TENM3: variants seen among roughly 807,000 people sequenced by gnomAD.
TENM3 encodes teneurin-3.
A neutral mutation model predicts 255.1 loss-of-function variants in TENM3; 63 were observed. The ratio of observed to expected loss-of-function variants is 0.25; its 90% confidence interval spans 0.20 to 0.30. TENM3 has a LOEUF of 0.30. Among genes scored for constraint, TENM3 ranks in the 10% least tolerant of loss-of-function variants. The pLI, the probability that TENM3 is intolerant of heterozygous loss-of-function variation, is 1.00. For synonymous variants in TENM3, 1,306 were observed against 1,322.3 expected, an observed-to-expected ratio of 0.99 and a Z score of 0.27; for missense variants, 2,929 against 3,461.1, an observed-to-expected ratio of 0.85 and a Z score of 3.86.
At chr4:181,950,083 C>G in the TENM3 span, among the ~76,000 whole-genome samples, 2 of 152,126 alleles carry the variant, frequency 1.3e-5, no homozygotes, top group East Asian at 3.9e-4. Context: ...ATGCCCTGCC[C>G]CACCTTAACT....
chr4:182,499,727 C>A (rs1284691685), intron 3 of TENM3, among the ~76,000 whole-genome samples: 1 of 152,144 alleles, frequency 6.6e-6, no homozygotes, highest in Admixed American at 6.5e-5. Flanking sequence ...AAATAGACAA[C>A]TGATGACAGA....
At chr4:182,695,455 G>A (rs1171853554) in intron 12 of TENM3, among the ~76,000 whole-genome samples, 1 of 152,176 alleles carries the variant, frequency 6.6e-6, no homozygotes, top group Non-Finnish European at 1.5e-5. Flanking sequence ...CATTGGGGTG[G>A]CTGTGGGCAT....
chr4:181,521,818 C>T, the TENM3 span, among the ~76,000 whole-genome samples: 6 of 152,018 alleles, frequency 3.9e-5, no homozygotes, highest in Admixed American at 1.3e-4. Flanking sequence ...CAATGTGGGC[C>T]GGGTGTGGTG....
intron 3 of TENM3, among the ~76,000 whole-genome samples, chr4:182,518,606 A>G (rs1386226975): frequency 6.6e-6 from 1 of 152,178 alleles, no homozygotes; most frequent in Non-Finnish European, 1.5e-5. Context: ...CCATAGCTGC[A>G]AGGAAGTGAG....
chr4:182,215,577 T>C (rs553945051), intron 1 of TENM3, among the ~76,000 whole-genome samples: 4 of 152,212 alleles, frequency 2.6e-5, no homozygotes, highest in Non-Finnish European at 4.4e-5. Flanking sequence ...GAAACAGTTA[T>C]GGAGTGGCAA....
intron 2 of TENM3, among the ~76,000 whole-genome samples, chr4:182,335,311 T>C (rs59865417): frequency 0.43 from 28,861 of 67,808 alleles, 5,703 homozygotes; most frequent in Non-Finnish European, 0.47. Context: ...ATCCTGTGAA[T>C]GGTGAAACCC....
At chr4:181,884,592 A>G in the TENM3 span, among the ~76,000 whole-genome samples, 1 of 152,188 alleles carries the variant, frequency 6.6e-6, no homozygotes, top group East Asian at 1.9e-4. Context: ...TTAACAGCAT[A>G]ATGTTTTCAG....
chr4:182,284,230 A>T (rs117963518), intron 1 of TENM3, among the ~76,000 whole-genome samples: 1,947 of 152,252 alleles, frequency 0.013, 102 homozygotes, highest in Admixed American at 0.085. Context: ...GAGTGCATGA[A>T]ATCGGAGCAT....
chr4:182,101,138 G>A, the TENM3 span, among the ~76,000 whole-genome samples: 6 of 96,870 alleles, frequency 6.2e-5, no homozygotes, highest in African/African-American at 2.7e-4. Flanking sequence ...AAGGAAGGAA[G>A]GAAAGAAGGG....
In TENM3 at chr4:182,799,507, G is replaced by A. The variant is rs897500659; in HGVS notation, c.7345-89G>A. The A allele has an allele frequency of 2.2e-5, 32 of 1,478,660 alleles. No individual in the cohort carries two copies. The African/African-American group carries it at 3.6e-4, about 17-fold the overall frequency. 91.6% of individuals were successfully genotyped at this position (1,478,660 alleles called of 1,614,324 possible). On this transcript the variant is annotated intron_variant, in intron 27 of 27. Transcript: ENST00000511685. This position sits in a 1 kb window ranked among gnomAD's most constrained non-coding sequence, Gnocchi z 4.2. ...ACCCCGGGGCTTCCATGCATGCCCC[G>A]GCGCTGCCCCCAGAGTCCCGTGTGT...
chr4:182,310,762 A>G lies in TENM3; in HGVS notation c.-75-13184A>G, dbSNP rs561283770. On this transcript the variant is annotated intron_variant, in intron 1 of 27. Coordinates refer to ENST00000511685, the MANE Select transcript of TENM3 (RefSeq NM_001080477.4). Reference sequence around the variant, plus strand: ...CACTCTGTTGACCAGGCTGCAGTGCAGTGGCACGATCTTGGCTCACTGCAG... The same window carrying G: ...CACTCTGTTGACCAGGCTGCAGTGCGGTGGCACGATCTTGGCTCACTGCAG... Among the ~76,000 whole-genome samples, 97 of 151,926 alleles carry G rather than the reference A, an allele frequency of 6.4e-4. 2 individuals carry two copies. The highest frequency in any genetic ancestry group is 2.2e-3 in the African/African-American group (93 of 41,438).
At chr4:181,788,246 C>T in the TENM3 span, among the ~76,000 whole-genome samples, 1 of 152,110 alleles carries the variant, frequency 6.6e-6, no homozygotes, top group African/African-American at 2.4e-5. Context: ...CCCTTATTTG[C>T]CTCTGATCTT....
chr4:182,381,223 C>T (rs990518985), intron 3 of TENM3, among the ~76,000 whole-genome samples: 4 of 152,160 alleles, frequency 2.6e-5, no homozygotes, highest in Non-Finnish European at 4.4e-5. Context: ...AAATTAGAGA[C>T]GGAAAACACC....
chr4:181,799,069 C>A, the TENM3 span, among the ~76,000 whole-genome samples: 1 of 152,264 alleles, frequency 6.6e-6, no homozygotes, highest in East Asian at 1.9e-4. Flanking sequence ...CATTGGAAGG[C>A]TCCCTTTTCC....
chr4:182,469,713 CAAA>C (rs397964405), intron 3 of TENM3, among the ~76,000 whole-genome samples: 5 of 104,970 alleles, frequency 4.8e-5, no homozygotes, highest in Admixed American at 1.0e-4. Context: ...GACTCTGTCT[CAAA>C]AAAAAAAAAA....
At chr4:182,615,634 A>G (rs146673027) in intron 4 of TENM3, among the ~76,000 whole-genome samples, 1 of 152,286 alleles carries the variant, frequency 6.6e-6, no homozygotes, top group African/African-American at 2.4e-5. Flanking sequence ...ACTTAAAAGT[A>G]GCAATGACAT....
chr4:181,839,092 T>C, the TENM3 span, among the ~76,000 whole-genome samples: 7 of 151,502 alleles, frequency 4.6e-5, no homozygotes, highest in Admixed American at 1.3e-4. Flanking sequence ...ATTTCTCATT[T>C]TTTCTAAATC....
intron 1 of TENM3, among the ~76,000 whole-genome samples, chr4:182,289,559 T>C (rs191970893): frequency 6.6e-6 from 1 of 152,356 alleles, no homozygotes; most frequent in African/African-American, 2.4e-5. Flanking sequence ...CTAAATCTTA[T>C]TGAGGGAAAC....
At chr4:182,428,976 G>A (rs955909837) in intron 3 of TENM3, among the ~76,000 whole-genome samples, 1 of 152,114 alleles carries the variant, frequency 6.6e-6, no homozygotes, top group East Asian at 1.9e-4. Context: ...CAGGGGGAAA[G>A]GTCCAGTATT....
Sources: allele counts gnomAD v4.1 joint callset (sites outside exome capture counted in the v4.1 genomes callset), GRCh38; gene constraint gnomAD v4.1.1; non-coding constraint Gnocchi (gnomAD v3.1); transcripts MANE v1.5; gene names NCBI Gene and HGNC (gene_info 2026-07-23, HGNC 2026-07-21).